The following HS6ST3 variants were observed in gnomAD, a reference collection of about 807,000 sequenced individuals.
HS6ST3 encodes heparan-sulfate 6-O-sulfotransferase 3.
HS6ST3 carries 12 observed loss-of-function variants against 36.7 expected under a neutral mutation model. The ratio of observed to expected loss-of-function variants is 0.33; its 90% CI spans 0.21 to 0.53. HS6ST3 has a LOEUF of 0.53. HS6ST3 is among the 20% of genes least tolerant of loss of function. The probability of loss-of-function intolerance (pLI) is 0.95; values close to 1 mark genes in which losing one functional copy is unlikely to be tolerated. For synonymous variants in HS6ST3, 240 were observed against 257.5 expected (o/e 0.93, Z 0.65); for missense variants, 584 against 640.9 (o/e 0.91, Z 0.96).
intron 1 of HS6ST3, among the ~76,000 whole-genome samples, chr13:96,453,159 C>T (rs1027334272): frequency 4.6e-5 from 7 of 150,854 alleles, no homozygotes; most frequent in Admixed American, 1.3e-4. Context: ...CAACCATTGC[C>T]CTGGAGGAAA....
chr13:96,311,742 G>A (rs982873212), intron 1 of HS6ST3, among the ~76,000 whole-genome samples: 2 of 152,150 alleles, frequency 1.3e-5, no homozygotes, highest in Non-Finnish European at 2.9e-5. Flanking sequence ...TTCAGAGTTC[G>A]AAAGAGATTT....
intron 1 of HS6ST3, among the ~76,000 whole-genome samples, chr13:96,108,008 C>T (rs942576266): frequency 3.3e-5 from 5 of 152,134 alleles, no homozygotes; most frequent in Non-Finnish European, 7.4e-5. Flanking sequence ...AACAGGATAA[C>T]AGCAATGTTC....
chr13:96,659,775 G>A (rs777614726), intron 1 of HS6ST3, among the ~76,000 whole-genome samples: 2 of 152,000 alleles, frequency 1.3e-5, no homozygotes, highest in Non-Finnish European at 2.9e-5. Context: ...CTGAATTTTA[G>A]TGGCACCTTT....
At chr13:96,533,815 A>G (rs1161819464) in intron 1 of HS6ST3, among the ~76,000 whole-genome samples, 1 of 152,184 alleles carries the variant, frequency 6.6e-6, no homozygotes, top group South Asian at 2.1e-4. Context: ...CTATGGACAG[A>G]TAAGTATGGG....
chr13:96,371,845 A>G (rs529113183), intron 1 of HS6ST3, among the ~76,000 whole-genome samples: 1 of 152,102 alleles, frequency 6.6e-6, no homozygotes, highest in African/African-American at 2.4e-5. Context: ...TATGTATTCT[A>G]TCTGTTTATA....
chr13:96,115,877 T>C (rs2053891719), intron 1 of HS6ST3, among the ~76,000 whole-genome samples: 1 of 152,210 alleles, frequency 6.6e-6, no homozygotes, highest in South Asian at 2.1e-4. Flanking sequence ...GTAAAAGTTT[T>C]CCTGTTTCTC....
intron 1 of HS6ST3, among the ~76,000 whole-genome samples, chr13:96,831,954 C>CAAAAAAAAAAA (rs35266831): frequency 0.027 from 597 of 21,844 alleles, 133 homozygotes; most frequent in Admixed American, 0.055. Context: ...GACTCCCTCT[C>CAAAAAAAAAAA]AAAAAAAAAA....
At chr13:96,243,419 T>G (rs910715489) in intron 1 of HS6ST3, among the ~76,000 whole-genome samples, 2 of 152,224 alleles carry the variant, frequency 1.3e-5, no homozygotes, top group African/African-American at 2.4e-5. Flanking sequence ...CCTAGTAAGA[T>G]AGCTTGATAC....
intron 1 of HS6ST3, among the ~76,000 whole-genome samples, chr13:96,381,378 C>CTATG (rs1403992571): frequency 2.2e-5 from 3 of 137,016 alleles, no homozygotes; most frequent in African/African-American, 8.6e-5. Context: ...ATTTATCCAT[C>CTATG]TATCTATGTA....
intron 1 of HS6ST3, among the ~76,000 whole-genome samples, chr13:96,593,355 T>G (rs1265307079): frequency 1.3e-5 from 2 of 150,944 alleles, no homozygotes; most frequent in Non-Finnish European, 3.0e-5. Flanking sequence ...AGCTAATTTT[T>G]TTTTTGTTTT....
intron 1 of HS6ST3, among the ~76,000 whole-genome samples, chr13:96,636,950 A>G (rs1286506849): frequency 6.6e-6 from 1 of 152,124 alleles, no homozygotes; most frequent in Non-Finnish European, 1.5e-5. Context: ...GATTCCTTTT[A>G]AAAACAGAAA....
At chr13:96,188,657 G>A (rs1010649405) in intron 1 of HS6ST3, among the ~76,000 whole-genome samples, 1 of 152,076 alleles carries the variant, frequency 6.6e-6, no homozygotes, top group South Asian at 2.1e-4. Flanking sequence ...CCTCAAAATG[G>A]CATTTCTCTT....
chr13:96,208,870 G>T (rs980227218), intron 1 of HS6ST3, among the ~76,000 whole-genome samples: 3 of 152,150 alleles, frequency 2.0e-5, no homozygotes, highest in Non-Finnish European at 4.4e-5. Context: ...AGATAACAAG[G>T]CAGATTTTTC....
intron 1 of HS6ST3, among the ~76,000 whole-genome samples, chr13:96,212,424 T>G (rs1182208691): frequency 6.6e-6 from 1 of 152,250 alleles, no homozygotes; most frequent in African/African-American, 2.4e-5. Flanking sequence ...TCCTAAATAA[T>G]TAGAGAAAAT....
At chr13:96,557,855 C>T (rs1005308313) in intron 1 of HS6ST3, among the ~76,000 whole-genome samples, 14 of 152,158 alleles carry the variant, frequency 9.2e-5, no homozygotes, top group Admixed American at 4.6e-4. Flanking sequence ...TAAGTTTTCT[C>T]ATTTTTGTCA....
At chr13:96,675,923 C>T (rs532622533) in intron 1 of HS6ST3, among the ~76,000 whole-genome samples, 1 of 152,182 alleles carries the variant, frequency 6.6e-6, no homozygotes, top group Admixed American at 6.5e-5. Context: ...GTTTGGGTAG[C>T]TCTGGATCAT....
At chr13:96,706,413 T>TTATATATATATATATATATATATATA (rs3052119) in intron 1 of HS6ST3, among the ~76,000 whole-genome samples, 85 of 120,998 alleles carry the variant, frequency 7.0e-4, no homozygotes, top group African/African-American at 2.8e-3. Flanking sequence ...AGAATATATT[T>TTATATATATATATATATATATATATA]TATATATATA....
At chr13:96,729,265 C>T (rs1876083255) in intron 1 of HS6ST3, among the ~76,000 whole-genome samples, 1 of 152,050 alleles carries the variant, frequency 6.6e-6, no homozygotes, top group Non-Finnish European at 1.5e-5. Context: ...ACAGAACCTT[C>T]ACAGACTTAC....
chr13:96,462,131 G>A (rs1191018817), intron 1 of HS6ST3, among the ~76,000 whole-genome samples: 1 of 152,148 alleles, frequency 6.6e-6, no homozygotes, highest in Non-Finnish European at 1.5e-5. Flanking sequence ...GTGCAGTAGT[G>A]TGATCATGGC....
Sources: allele counts gnomAD v4.1 joint callset (sites outside exome capture counted in the v4.1 genomes callset), GRCh38; gene constraint gnomAD v4.1.1; transcripts MANE v1.5; gene names NCBI Gene and HGNC (gene_info 2026-07-23, HGNC 2026-07-21).